The following ZBTB20 variants were observed in gnomAD, a reference collection of about 807,000 sequenced individuals.
ZBTB20 encodes the protein zinc finger and BTB domain-containing protein 20.
A neutral mutation model predicts 56.9 loss-of-function variants in ZBTB20; 9 were observed. The observed-to-expected ratio is 0.16, with a 90% CI of 0.10 to 0.28. The LOEUF (loss-of-function observed/expected upper bound fraction) is 0.28. Ranked by LOEUF, ZBTB20 falls within the 10% of genes least tolerant of loss-of-function variation. The pLI is 1.00. For missense variants in ZBTB20, 655 were observed against 1,003.0 expected (o/e 0.65, Z 4.69); for synonymous variants, 417 against 420.7 (o/e 0.99, Z 0.11).
chr3:114,632,475 G>A lies in ZBTB20; in HGVS notation c.-295+61053C>T, dbSNP rs576658044. Among the ~76,000 whole-genome samples the A allele has an allele frequency of 3.3e-5, 5 of 152,238 alleles. No homozygotes were observed. In the South Asian group the frequency reaches 6.2e-4, roughly 19 times the overall value. ...TTTAGTTTGCCCTTCTGTTCTGCTG[G>A]CTTTTCTGCTATGACCCACTATACT... is the stretch of plus-strand genomic sequence containing the variant. On this transcript the variant is annotated intron_variant, in intron 6 of 11. Coordinates refer to ENST00000675478, the MANE Select transcript of ZBTB20 (RefSeq NM_001348800.3).
chr3:114,517,241 G>A (rs1230020377), intron 6 of ZBTB20, among the ~76,000 whole-genome samples: 5 of 152,220 alleles, frequency 3.3e-5, no homozygotes, highest in African/African-American at 4.8e-5. Flanking sequence ...TCTAGGCACA[G>A]AGGATAACAT....
chr3:114,444,000 T>C lies in ZBTB20; in HGVS notation c.-254-54895A>G, dbSNP rs147061835. Among the ~76,000 whole-genome samples, 654 of 152,086 alleles carry C rather than the reference T, an allele frequency of 4.3e-3. 22 individuals are homozygous for C. Among genetic ancestry groups the C allele is most frequent in the East Asian group, 0.027 (138 of 5,158 alleles). ...TAAAAGATACAAAGTGTTGTAGAAA[T>C]AAAGGAGGCAGAATGTGTTTCTATT... On this transcript the variant is annotated intron_variant, in intron 7 of 11. Coordinates refer to ENST00000675478, the MANE Select transcript of ZBTB20 (RefSeq NM_001348800.3).
intron 5 of ZBTB20, among the ~76,000 whole-genome samples, chr3:114,772,799 C>T (rs1165869723): frequency 6.6e-6 from 1 of 152,036 alleles, no homozygotes; most frequent in Non-Finnish European, 1.5e-5. Flanking sequence ...CTGCCTAAAG[C>T]CCAGAACCTG....
chr3:114,513,073 G>C (rs2045588327), intron 6 of ZBTB20, among the ~76,000 whole-genome samples: 1 of 152,136 alleles, frequency 6.6e-6, no homozygotes, highest in Non-Finnish European at 1.5e-5. Context: ...ATGGTAAAAA[G>C]AACACTAACT....
At chr3:114,943,451 T>C (rs2076785606) in intron 3 of ZBTB20, among the ~76,000 whole-genome samples, 1 of 145,588 alleles carries the variant, frequency 6.9e-6, no homozygotes, top group African/African-American at 2.8e-5. Flanking sequence ...TAAAGAATTA[T>C]CAGATATAGT....
At chr3:115,089,384 T>C (rs373345590) in intron 1 of ZBTB20, among the ~76,000 whole-genome samples, 1 of 151,930 alleles carries the variant, frequency 6.6e-6, no homozygotes, top group South Asian at 2.1e-4. Flanking sequence ...CCTTAACAAT[T>C]CATTAACTAT....
chr3:115,107,055 T>C (rs562170442), intron 1 of ZBTB20, among the ~76,000 whole-genome samples: 6 of 152,352 alleles, frequency 3.9e-5, no homozygotes, highest in Admixed American at 1.3e-4. Flanking sequence ...CACATCCTTA[T>C]CTTAAGATCT....
chr3:115,132,492 G>T (rs1261512388), intron 1 of ZBTB20, among the ~76,000 whole-genome samples: 2 of 152,110 alleles, frequency 1.3e-5, no homozygotes, highest in African/African-American at 4.8e-5. Context: ...CTCTACAAAT[G>T]TTAATGTTAT....
At chr3:114,943,382 G>A (rs1455660606) in intron 3 of ZBTB20, among the ~76,000 whole-genome samples, 2 of 144,948 alleles carry the variant, frequency 1.4e-5, no homozygotes, top group Non-Finnish European at 3.0e-5. Flanking sequence ...TAGAATCAAA[G>A]AACCAAAACA....
At chr3:114,938,427 T>C (rs929193790) in intron 3 of ZBTB20, among the ~76,000 whole-genome samples, 10 of 146,284 alleles carry the variant, frequency 6.8e-5, no homozygotes, top group Non-Finnish European at 1.3e-4. Context: ...AAGTCTTTAA[T>C]GCCCATCAAT....
chr3:114,741,253 C>G (rs1375354829), intron 5 of ZBTB20, among the ~76,000 whole-genome samples: 2 of 152,156 alleles, frequency 1.3e-5, no homozygotes, highest in African/African-American at 4.8e-5. Context: ...TGCCCCAAAG[C>G]TGGGCAAGTG....
At chr3:114,800,004 CTG>C (rs1283936918) in intron 5 of ZBTB20, among the ~76,000 whole-genome samples, 2 of 151,902 alleles carry the variant, frequency 1.3e-5, no homozygotes, top group East Asian at 3.9e-4. Flanking sequence ...TTAGTGTACT[CTG>C]TTGACTGGGG....
At chr3:114,680,659 T>G (rs977087296) in intron 6 of ZBTB20, among the ~76,000 whole-genome samples, 2 of 152,242 alleles carry the variant, frequency 1.3e-5, no homozygotes, top group African/African-American at 2.4e-5. Flanking sequence ...AATTAAAAGC[T>G]GCTTTATGAA....
At chr3:114,911,241 C>T (rs1311052920) in intron 3 of ZBTB20, among the ~76,000 whole-genome samples, 4 of 151,972 alleles carry the variant, frequency 2.6e-5, no homozygotes, top group Non-Finnish European at 4.4e-5. Flanking sequence ...ACATGACAGA[C>T]TTGCCAATGA....
At chr3:114,724,236 G>GTAAC (rs1398679888) in intron 5 of ZBTB20, among the ~76,000 whole-genome samples, 1 of 152,102 alleles carries the variant, frequency 6.6e-6, no homozygotes, top group Non-Finnish European at 1.5e-5. Flanking sequence ...AAACAGACAG[G>GTAAC]TAACTGTTGA....
chr3:114,728,606 A>G (rs891190949), intron 5 of ZBTB20, among the ~76,000 whole-genome samples: 1 of 152,236 alleles, frequency 6.6e-6, no homozygotes, highest in Non-Finnish European at 1.5e-5. Context: ...TCGTCTAGTT[A>G]CAGTAACTGC....
intron 6 of ZBTB20, among the ~76,000 whole-genome samples, chr3:114,576,095 T>C (rs1368007892): frequency 6.6e-6 from 1 of 152,192 alleles, no homozygotes; most frequent in African/African-American, 2.4e-5. Flanking sequence ...ACTCAACCAA[T>C]ATTTATTAAG....
At chr3:114,605,900 T>C (rs1200587763) in intron 6 of ZBTB20, among the ~76,000 whole-genome samples, 1 of 151,892 alleles carries the variant, frequency 6.6e-6, no homozygotes, top group East Asian at 1.9e-4. Flanking sequence ...AGACAGAGGA[T>C]AGAGTGATGG....
chr3:114,894,010 C>T (rs144206217), intron 4 of ZBTB20, among the ~76,000 whole-genome samples: 6 of 152,274 alleles, frequency 3.9e-5, no homozygotes, highest in African/African-American at 9.6e-5. Flanking sequence ...TAAAATGTCC[C>T]TTGACACAAG....
Sources: allele counts gnomAD v4.1 joint callset (sites outside exome capture counted in the v4.1 genomes callset), GRCh38; gene constraint gnomAD v4.1.1; transcripts MANE v1.5; gene names NCBI Gene and HGNC (gene_info 2026-07-23, HGNC 2026-07-21).